Variants in CPAMD8 observed in about 807,000 individuals in gnomAD.
The protein encoded by CPAMD8 is C3 and PZP like alpha-2-macroglobulin domain containing 8, also known as C3 and PZP-like alpha-2-macroglobulin domain-containing protein 8.
CPAMD8 carries 146 observed loss-of-function variants against 224.7 expected under a neutral mutation model. The ratio of observed to expected loss-of-function variants is 0.65; its 90% CI spans 0.57 to 0.75. The LOEUF is 0.75. Among genes scored for constraint, CPAMD8 ranks in the 30% least tolerant of loss-of-function variants. The pLI is 0.00. For missense variants in CPAMD8, 2,301 were observed against 2,537.5 expected, an observed-to-expected ratio of 0.91 and a Z score of 2.00; for synonymous variants, 966 against 1,044.6, an observed-to-expected ratio of 0.92 and a Z score of 1.45.
chr19:16,968,498 G>T (rs1046557917), intron 18 of CPAMD8, among the ~76,000 whole-genome samples: 1 of 152,098 alleles, frequency 6.6e-6, no homozygotes, highest in Non-Finnish European at 1.5e-5. Context: ...ACATCAAAAT[G>T]GGCATCATTC....
At chr19:16,988,841 T>C (rs1953827499) in intron 13 of CPAMD8, among the ~76,000 whole-genome samples, 1 of 152,040 alleles carries the variant, frequency 6.6e-6, no homozygotes, top group African/African-American at 2.4e-5. Context: ...CAATCAAAAC[T>C]TCATCTGTAT....
chr19:16,935,529 C>T (rs1200640266), intron 23 of CPAMD8, among the ~76,000 whole-genome samples: 2 of 152,106 alleles, frequency 1.3e-5, no homozygotes, highest in African/African-American at 4.8e-5. Context: ...ATTTTCTTCC[C>T]ACTCAATTCC....
In CPAMD8 at chr19:16,994,997, G is replaced by A. The variant is rs115721540; in HGVS notation, c.1096-1411C>T. 2.5e-3 allele frequency among the ~76,000 whole-genome samples: 383 copies of A among 152,242 alleles called. 1 individual carries two copies. The highest frequency in any genetic ancestry group is 8.9e-3 in the African/African-American group (368 of 41,540). ...ACTCCTTTCTTGAATGCAGATGGTA[G>A]GTATTTTCTGTCATATGTGAAACGC... On this transcript the variant is annotated intron_variant, in intron 11 of 41. Transcript: ENST00000443236.
In CPAMD8 at chr19:16,903,737, G is replaced by A. The variant is rs760636884; in HGVS notation, c.4372C>T (p.His1458Tyr). The change falls in exon 33 of 42, where the codon CAC (histidine) becomes TAC (tyrosine). Residue 1458 changes from histidine to tyrosine, a missense_variant. This residue lies in a region of CPAMD8 where 1,709 missense variants were observed against 1,753.2 expected (regional missense o/e 0.97). Transcript: ENST00000443236. The stretch of plus-strand genomic sequence containing the variant: ...TGCAGAACCTTCTGGTTGGTCCTGT[G>A]CAGCTCGAAGGTTTCCTGGTAGTCC... ...NLDYQETFEL[H>Y]RTNQKVLQTA... 1 of 1,614,202 alleles carries A rather than the reference G, an allele frequency of 6.2e-7. No homozygotes were observed. The highest frequency in any genetic ancestry group is 1.7e-5 in the Admixed American group (1 of 60,028).
chr19:16,979,886 A>G (rs187171485), intron 14 of CPAMD8, among the ~76,000 whole-genome samples: 10 of 152,070 alleles, frequency 6.6e-5, no homozygotes, highest in Admixed American at 6.5e-4. Flanking sequence ...CCTGGAAGTG[A>G]CTCTGCCCCC....
intron 20 of CPAMD8, among the ~76,000 whole-genome samples, chr19:16,948,698 C>T (rs1226956799): frequency 6.6e-6 from 1 of 150,640 alleles, no homozygotes; most frequent in African/African-American, 2.5e-5. Flanking sequence ...CACACCACTG[C>T]ACTCCAGCCT....
chr19:16,929,609 A>G (rs1400242890), intron 23 of CPAMD8, among the ~76,000 whole-genome samples: 1 of 152,156 alleles, frequency 6.6e-6, no homozygotes, highest in Non-Finnish European at 1.5e-5. Flanking sequence ...CCAAGGCAGG[A>G]GGATCGCTTG....
rs756257339 is a variant in CPAMD8, at chr19:16,970,950, G to A, written c.2154C>T (p.Pro718=). 1.5e-5 allele frequency: 25 copies of A among 1,613,878 alleles called. No individual in the cohort carries two copies. The highest frequency in any genetic ancestry group is 3.3e-5 in the Admixed American group (2 of 60,004). The change falls in exon 18 of 42, where the codon CCC becomes CCT. Residue 718 remains proline (P), a synonymous_variant. Transcript: ENST00000443236. ...GGCTCCCTGTGTGGGGCTGGAAAGC[G>A]GGGACAGCCTCATCGGTGTAGAGGC... is the stretch of plus-strand genomic sequence containing the variant. ...DGGLYTDEAV[P]AFQPHTGSLV...
At chr19:16,972,581 C>T (rs1351113064) in intron 17 of CPAMD8, among the ~76,000 whole-genome samples, 1 of 151,984 alleles carries the variant, frequency 6.6e-6, no homozygotes, top group East Asian at 1.9e-4. Context: ...ACTACTGGCG[C>T]CCGCCACCAC....
intron 6 of CPAMD8, 197 bp from the exon 7 acceptor site, chr19:17,008,756 G>T: frequency 1.5e-6 from 1 of 659,020 alleles, no homozygotes; most frequent in East Asian, 2.7e-5. Flanking sequence ...GGGATGGGCT[G>T]GGCCTACCTC....
At chr19:16,942,426 C>T (rs1186416614) in intron 22 of CPAMD8, among the ~76,000 whole-genome samples, 3 of 152,130 alleles carry the variant, frequency 2.0e-5, no homozygotes, top group Non-Finnish European at 4.4e-5. Context: ...TGCACCACTG[C>T]ACTCCAGCCT....
At chr19:16,981,136 C>G (rs1453397496) in intron 13 of CPAMD8, among the ~76,000 whole-genome samples, 1 of 151,970 alleles carries the variant, frequency 6.6e-6, no homozygotes, top group Non-Finnish European at 1.5e-5. Context: ...ACAGATCGCT[C>G]AAGTCCAGAA....
intron 10 of CPAMD8, among the ~76,000 whole-genome samples, chr19:16,998,023 A>G (rs1199646200): frequency 6.6e-6 from 1 of 152,110 alleles, no homozygotes; most frequent in Non-Finnish European, 1.5e-5. Flanking sequence ...GGAGTAAATT[A>G]CTCCGTAAAT....
At chr19:16,939,938 A>G (rs562118313) in intron 22 of CPAMD8, among the ~76,000 whole-genome samples, 1 of 148,844 alleles carries the variant, frequency 6.7e-6, no homozygotes, top group South Asian at 2.2e-4. Flanking sequence ...TTTTAGATGG[A>G]GTCTCACTCT....
At chr19:16,953,472 G>A (rs564001784) in intron 19 of CPAMD8, among the ~76,000 whole-genome samples, 1 of 152,180 alleles carries the variant, frequency 6.6e-6, no homozygotes, top group Non-Finnish European at 1.5e-5. Flanking sequence ...GGCCAAGGAA[G>A]GAGGATCACT....
At position 16,929,136 on chromosome 19, in the gene CPAMD8, G is replaced by A. The variant is rs186098031; in HGVS notation, c.2950C>T (p.Arg984Cys). Reference protein sequence around the residue: ...DVAVRAHNDARVALSSGPQDT... With the variant: ...DVAVRAHNDACVALSSGPQDT... Reference sequence around the variant, plus strand: ...TGGGGCCCAGAAGACAAGGCCACACGGGCATCATTGTGAGCTCGCACAGCC... The same window carrying A: ...TGGGGCCCAGAAGACAAGGCCACACAGGCATCATTGTGAGCTCGCACAGCC... Residue 984 changes from arginine to cysteine, a missense_variant, in exon 24 of 42, where the codon CGT (arginine) becomes TGT (cysteine). Arg to Cys is a radical substitution (Grantham distance 180). This residue lies in a region of CPAMD8 where 1,709 missense variants were observed against 1,753.2 expected (regional missense o/e 0.97). Coordinates refer to ENST00000443236, the MANE Select transcript of CPAMD8 (RefSeq NM_015692.5). The A allele has an allele frequency of 1.4e-4, 218 of 1,613,938 alleles. No individual in the cohort carries two copies. The African/African-American group carries it at 2.6e-3, about 19-fold the overall frequency.
rs1284394664 is a variant in CPAMD8, at chr19:16,901,317, G to T, written c.4686-20C>A. The T allele has an allele frequency of 5.2e-6, 8 of 1,535,572 alleles. No individual in the cohort carries two copies. The Admixed American group carries it at 8.5e-5, about 16-fold the overall frequency. ...AGCCACCTTCCAACAACAGGGGAGA[G>T]AGAGAGGCCCTAGAGCTCAAGCCCA... is the stretch of plus-strand genomic sequence containing the variant. On this transcript the variant is annotated intron_variant, in intron 35 of 41. Coordinates refer to ENST00000443236, the MANE Select transcript of CPAMD8 (RefSeq NM_015692.5).
At chr19:16,904,807 C>T (rs778333302) in intron 30 of CPAMD8, among the ~76,000 whole-genome samples, 8 of 152,240 alleles carry the variant, frequency 5.3e-5, no homozygotes, top group Non-Finnish European at 8.8e-5. Flanking sequence ...TTACCCCTGG[C>T]AGACATCACT....
At chr19:16,901,783 C>T (rs1243549846) in intron 35 of CPAMD8, among the ~76,000 whole-genome samples, 4 of 152,144 alleles carry the variant, frequency 2.6e-5, no homozygotes, top group African/African-American at 7.2e-5. Flanking sequence ...ATATGCCAGG[C>T]GCTTCCTATA....
Sources: allele counts gnomAD v4.1 joint callset (sites outside exome capture counted in the v4.1 genomes callset), GRCh38; gene constraint gnomAD v4.1.1; regional missense constraint gnomAD v4.1.1; transcripts MANE v1.5; gene names NCBI Gene and HGNC (gene_info 2026-07-23, HGNC 2026-07-21).